Variants in SCN8A observed in about 807,000 individuals in gnomAD.
SCN8A encodes the protein sodium voltage-gated channel alpha subunit 8, also known as sodium channel protein type 8 subunit alpha.
In SCN8A, 30 loss-of-function variants were observed where a neutral mutation model predicts 184.1. That is an observed-to-expected ratio of 0.16 (90% confidence interval 0.12 to 0.22). The LOEUF is 0.22. SCN8A is among the 10% of genes least tolerant of loss of function. The pLI, the probability that SCN8A is intolerant of heterozygous loss-of-function variation, is 1.00. For synonymous variants in SCN8A, 852 were observed against 907.0 expected (o/e 0.94, Z 1.09); for missense variants, 1,057 against 2,498.9 (o/e 0.42, Z 12.30).
At chr12:51,779,079 G>A (rs1032693714) in intron 20 of SCN8A, among the ~76,000 whole-genome samples, 1 of 152,070 alleles carries the variant, frequency 6.6e-6, no homozygotes, top group Admixed American at 6.5e-5. Context: ...GCCGGGCATG[G>A]TGGCACATGC....
chr12:51,686,617 G>GCCCT (rs1429589953), intron 4 of SCN8A, among the ~76,000 whole-genome samples, 160 bp downstream of exon 4: 1 of 152,092 alleles, frequency 6.6e-6, no homozygotes, highest in African/African-American at 2.4e-5. Context: ...TTAGGAAATA[G>GCCCT]CCCTCCCTAA....
At chr12:51,707,182 G>A (rs1941799173) in intron 11 of SCN8A, among the ~76,000 whole-genome samples, 1 of 151,988 alleles carries the variant, frequency 6.6e-6, no homozygotes, top group African/African-American at 2.4e-5. Flanking sequence ...ACATGGGAGT[G>A]CAAATATCTA....
intron 2 of SCN8A, among the ~76,000 whole-genome samples, chr12:51,671,446 GTGT>G (rs1298160986): frequency 3.9e-5 from 6 of 152,176 alleles, no homozygotes; most frequent in Admixed American, 6.5e-5. Flanking sequence ...TCTAGGATGT[GTGT>G]TATTAGCCAG....
intron 16 of SCN8A, 39 bp downstream of exon 16, chr12:51,766,066 GAATATTCTA>G: frequency 6.5e-7 from 1 of 1,527,008 alleles, no homozygotes; most frequent in South Asian, 1.1e-5. Context: ...TCTACACCCT[GAATATTCTA>G]CCCCTGGCCC....
intron 1 of SCN8A, among the ~76,000 whole-genome samples, chr12:51,641,330 A>G (rs1277446718): frequency 1.3e-5 from 2 of 152,168 alleles, no homozygotes; most frequent in Non-Finnish European, 2.9e-5. Flanking sequence ...CTTGGAACCA[A>G]TCCCCAATGG....
At chr12:51,695,169 A>G (rs1374840630) in intron 6 of SCN8A, among the ~76,000 whole-genome samples, 1 of 152,140 alleles carries the variant, frequency 6.6e-6, no homozygotes, top group African/African-American at 2.4e-5. Flanking sequence ...TGCTGTAGTT[A>G]GTGTTATTTA....
intron 1 of SCN8A, among the ~76,000 whole-genome samples, chr12:51,634,253 A>T (rs1190500966): frequency 6.6e-6 from 1 of 152,234 alleles, no homozygotes; most frequent in Non-Finnish European, 1.5e-5. Flanking sequence ...AATCTTTATT[A>T]TATATGGATA....
intron 1 of SCN8A, among the ~76,000 whole-genome samples, chr12:51,636,110 T>G (rs1940311800): frequency 6.6e-6 from 1 of 152,188 alleles, no homozygotes; most frequent in Admixed American, 6.5e-5. Flanking sequence ...TTCTCCTGCC[T>G]CAGCCTCCCA....
chr12:51,764,418 T>C (rs1357666485), intron 15 of SCN8A, among the ~76,000 whole-genome samples: 1 of 152,184 alleles, frequency 6.6e-6, no homozygotes, highest in East Asian at 1.9e-4. Flanking sequence ...GCGCATCACT[T>C]GAGGTCAGGA....
intron 11 of SCN8A, among the ~76,000 whole-genome samples, chr12:51,709,422 T>C (rs946048228): frequency 6.6e-6 from 1 of 152,128 alleles, no homozygotes; most frequent in Non-Finnish European, 1.5e-5. Context: ...AGAAAACGGA[T>C]AAACAGTGTT....
In SCN8A at chr12:51,702,928, CT is replaced by C; in HGVS notation, c.1134+18del. On this transcript the variant is annotated intron_variant, in intron 9 of 26. Coordinates refer to ENST00000627620, the MANE Select transcript of SCN8A (RefSeq NM_001330260.2). ...TTGTATCAATTGGTGAGTAATACCT[CT>C]TTTCCTTTGGCCATAGAGTTTGCAT... 6.3e-7 allele frequency: 1 copy of C among 1,583,686 alleles called. No individual in the cohort carries two copies.
At position 51,721,707 on chromosome 12, in the gene SCN8A, C is replaced by T. The variant is rs765460379; in HGVS notation, c.1797C>T (p.Asp599=). 2.5e-6 allele frequency: 4 copies of T among 1,591,066 alleles called. No individual in the cohort carries two copies. The highest frequency in any genetic ancestry group is 3.6e-5 in the Admixed American group (2 of 55,342). Residue 599 remains aspartate (D), a synonymous_variant, in exon 12 of 27, where the codon GAC becomes GAT. Transcript: ENST00000627620. ...TGGAGGAGAGCGAGGGCCGCCGGGA[C>T]TCCCTCTTCATCCCCATCCGGGCCC... ...STVEESEGRR[D]SLFIPIRARE...
intron 15 of SCN8A, among the ~76,000 whole-genome samples, chr12:51,765,256 A>G (rs1428578476): frequency 1.3e-5 from 2 of 151,724 alleles, no homozygotes; most frequent in African/African-American, 2.4e-5. Flanking sequence ...TTTTAAGGAG[A>G]TGGATTTTTT....
chr12:51,629,670 G>C (rs1940157910), intron 1 of SCN8A, among the ~76,000 whole-genome samples: 1 of 151,806 alleles, frequency 6.6e-6, no homozygotes, highest in Admixed American at 6.6e-5. Context: ...CCAATTCAGG[G>C]AGACTTTATG....
chr12:51,595,205 G>A (rs948936843), intron 1 of SCN8A, among the ~76,000 whole-genome samples: 5 of 152,178 alleles, frequency 3.3e-5, no homozygotes, highest in African/African-American at 9.7e-5. Context: ...AAAAACTGTG[G>A]CTATTAAGGT....
intron 26 of SCN8A, among the ~76,000 whole-genome samples, chr12:51,802,850 A>G (rs1938594313): frequency 6.6e-6 from 1 of 152,196 alleles, no homozygotes; most frequent in Non-Finnish European, 1.5e-5. Flanking sequence ...AGGGACTATC[A>G]GTGTTCTCCA....
At chr12:51,659,917 T>G (rs997009618) in intron 1 of SCN8A, among the ~76,000 whole-genome samples, 3 of 152,168 alleles carry the variant, frequency 2.0e-5, no homozygotes, top group African/African-American at 4.8e-5. Flanking sequence ...GAATAGTTTT[T>G]AAATGCTTTA....
chr12:51,732,433 C>T (rs1565903627), intron 12 of SCN8A, among the ~76,000 whole-genome samples: 1 of 152,146 alleles, frequency 6.6e-6, no homozygotes, highest in Non-Finnish European at 1.5e-5. Flanking sequence ...GTCTGTGTGT[C>T]TGTTTTTATG....
chr12:51,759,126 T>C (rs991804124), intron 14 of SCN8A, among the ~76,000 whole-genome samples: 6 of 152,010 alleles, frequency 3.9e-5, no homozygotes, highest in African/African-American at 1.2e-4. Context: ...TAAAAACTTG[T>C]TATATGCCAT....
Sources: allele counts gnomAD v4.1 joint callset (sites outside exome capture counted in the v4.1 genomes callset), GRCh38; gene constraint gnomAD v4.1.1; transcripts MANE v1.5; gene names NCBI Gene and HGNC (gene_info 2026-07-23, HGNC 2026-07-21).